KIAA1217: variants seen among roughly 807,000 people sequenced by gnomAD.
KIAA1217 encodes KIAA1217.
KIAA1217 carries 88 observed loss-of-function variants against 163.9 expected under a neutral mutation model. The observed-to-expected ratio is 0.54, with a 90% CI of 0.45 to 0.64. The LOEUF is 0.64. KIAA1217 is among the 30% of genes least tolerant of loss of function. The probability of loss-of-function intolerance (pLI) is 0.00; values close to 1 mark genes in which losing one functional copy is unlikely to be tolerated. For synonymous variants in KIAA1217, 903 were observed against 923.1 expected (o/e 0.98, Z 0.39); for missense variants, 2,372 against 2,475.0 (o/e 0.96, Z 0.88).
intron 2 of KIAA1217, among the ~76,000 whole-genome samples, chr10:24,191,708 G>A (rs920602966): frequency 4.6e-5 from 7 of 152,346 alleles, no homozygotes; most frequent in African/African-American, 1.4e-4. Flanking sequence ...CTTCATGGTT[G>A]AGGCATGTGT....
chr10:23,992,304 C>T lies in KIAA1217; in HGVS notation c.-320-14921C>T, dbSNP rs181857265. On this transcript the variant is annotated intron_variant, in intron 1 of 18. Coordinates refer to the KIAA1217 transcript ENST00000376462. Reference sequence around the variant, plus strand: ...AAAGTTAATACAGCTCACAGAGCAGCCAAGAAATAGAAATAGAAATGGTGA... The same window carrying T: ...AAAGTTAATACAGCTCACAGAGCAGTCAAGAAATAGAAATAGAAATGGTGA... 2.0e-3 allele frequency among the ~76,000 whole-genome samples: 303 copies of T among 152,256 alleles called. 3 individuals carry two copies. Among genetic ancestry groups the T allele is most frequent in the Admixed American group, 0.016 (244 of 15,294 alleles).
intron 2 of KIAA1217, among the ~76,000 whole-genome samples, chr10:24,141,733 A>G (rs995662633): frequency 3.3e-5 from 5 of 152,154 alleles, no homozygotes; most frequent in African/African-American, 1.2e-4. Context: ...TTAAATTCAC[A>G]TTGGAATCAC....
chr10:23,837,058 A>G (rs111938950), intron 1 of KIAA1217, among the ~76,000 whole-genome samples: 1,687 of 152,246 alleles, frequency 0.011, 9 homozygotes, highest in Non-Finnish European at 0.018. Context: ...TCCACACTCT[A>G]TGTTCATGTA....
intron 1 of KIAA1217, among the ~76,000 whole-genome samples, chr10:23,901,364 C>G (rs899587555): frequency 2.0e-5 from 3 of 152,140 alleles, no homozygotes; most frequent in African/African-American, 7.2e-5. Flanking sequence ...GTAATACAGT[C>G]TTATACTTTA....
At position 24,171,272 on chromosome 10, in the gene KIAA1217, C is replaced by G. The variant is rs1269427240; in HGVS notation, c.-170-48354C>G. ...GAATTTATAACACCAAAATACATGGCTCTGATAAGAAAAGCAACAGGAAAC... is the reference window on the plus strand; with the variant it reads ...GAATTTATAACACCAAAATACATGGGTCTGATAAGAAAAGCAACAGGAAAC... On this transcript the variant is annotated intron_variant, in intron 2 of 18. Transcript: ENST00000376462. Among the ~76,000 whole-genome samples, 13 of 152,236 alleles carry G rather than the reference C, an allele frequency of 8.5e-5. No individual in the cohort carries two copies. The East Asian group carries it at 1.7e-3, about 20-fold the overall frequency.
chr10:23,790,228 C>T (rs939836502), intron 1 of KIAA1217, among the ~76,000 whole-genome samples: 1 of 90,588 alleles, frequency 1.1e-5, no homozygotes, highest in Non-Finnish European at 2.1e-5. Context: ...TATGCATATG[C>T]ACATATGCAT....
intron 1 of KIAA1217, among the ~76,000 whole-genome samples, chr10:23,770,393 T>A (rs1260921959): frequency 6.6e-6 from 1 of 152,194 alleles, no homozygotes; most frequent in Non-Finnish European, 1.5e-5. Flanking sequence ...CATTACATGT[T>A]GTCTATGATT....
Position 24,283,086 on chromosome 10 carries a change from T to G in KIAA1217, c.354+63177T>G, listed in dbSNP as rs374351690. On this transcript the variant is annotated intron_variant, in intron 2 of 20. Transcript: ENST00000376454. ...AACCTCAGGTGATCCACCCACCTCG[T>G]CCTCCCAAAGTGCTGGGATTACAGG... Among the ~76,000 whole-genome samples the G allele has an allele frequency of 1.3e-3, 201 of 151,838 alleles. 1 individual carries two copies. The highest frequency in any genetic ancestry group is 4.4e-3 in the African/African-American group (181 of 41,428).
At chr10:23,805,996 CAAAAAAAA>C (rs71397917) in intron 1 of KIAA1217, among the ~76,000 whole-genome samples, 4 of 30,512 alleles carry the variant, frequency 1.3e-4, no homozygotes, top group Non-Finnish European at 1.7e-4. Context: ...AACTCCATCT[CAAAAAAAA>C]AAAAAAAAAA....
intron 5 of KIAA1217, among the ~76,000 whole-genome samples, chr10:24,463,542 G>A (rs957931028): frequency 6.6e-6 from 1 of 152,140 alleles, no homozygotes; most frequent in African/African-American, 2.4e-5. Context: ...TTTTACCAAT[G>A]CAAACAAGAT....
chr10:24,226,846 G>A (rs1310177465), intron 2 of KIAA1217, among the ~76,000 whole-genome samples: 1 of 152,056 alleles, frequency 6.6e-6, no homozygotes. Context: ...TGCACAGTTT[G>A]GAAATGCTAT....
At chr10:24,374,503 TTC>T (rs1368856423) in intron 2 of KIAA1217, among the ~76,000 whole-genome samples, 1 of 152,194 alleles carries the variant, frequency 6.6e-6, no homozygotes, top group Admixed American at 6.5e-5. Context: ...CTACCACCAT[TTC>T]TCTGAGTCTT....
rs34076735 is a variant in KIAA1217 at position 24,010,478 on chromosome 10, C to CTT, written c.-171+3115_-171+3116dup. Among the ~76,000 whole-genome samples, 1,393 of 145,342 alleles carry CTT rather than the reference C, an allele frequency of 9.6e-3. 6 individuals are homozygous for CTT. The highest frequency in any genetic ancestry group is 0.018 in the Middle Eastern group (5 of 280). ...AATAAAAGCAAATAACTGATCGATCCTTTTTTTTTTTTACCAATTTCATAG... is the reference window on the plus strand; with the variant it reads ...AATAAAAGCAAATAACTGATCGATCCTTTTTTTTTTTTTTACCAATTTCATAG... On this transcript the variant is annotated intron_variant, in intron 2 of 18. Coordinates refer to the KIAA1217 transcript ENST00000376462.
intron 1 of KIAA1217, among the ~76,000 whole-genome samples, chr10:23,930,981 C>T (rs1184718524): frequency 6.6e-6 from 1 of 152,152 alleles, no homozygotes; most frequent in African/African-American, 2.4e-5. Flanking sequence ...TTAAAGAATA[C>T]ATGCATATCT....
At chr10:24,127,241 T>G (rs1327879494) in intron 2 of KIAA1217, among the ~76,000 whole-genome samples, 1 of 152,206 alleles carries the variant, frequency 6.6e-6, no homozygotes, top group African/African-American at 2.4e-5. Flanking sequence ...CAGTATAACC[T>G]TTGGGGATTT....
At chr10:24,090,773 C>G (rs2061910632) in intron 2 of KIAA1217, among the ~76,000 whole-genome samples, 1 of 151,726 alleles carries the variant, frequency 6.6e-6, no homozygotes, top group Admixed American at 6.6e-5. Context: ...ATCAATGGTG[C>G]TAAGTATTCT....
intron 17 of KIAA1217, among the ~76,000 whole-genome samples, chr10:24,537,857 G>A (rs1181968366): frequency 6.6e-6 from 1 of 152,106 alleles, no homozygotes; most frequent in African/African-American, 2.4e-5. Flanking sequence ...GTATAAGTAA[G>A]CACTCTAGGG....
intron 2 of KIAA1217, among the ~76,000 whole-genome samples, chr10:24,186,343 A>G (rs1383325814): frequency 6.6e-6 from 1 of 152,136 alleles, no homozygotes; most frequent in African/African-American, 2.4e-5. Flanking sequence ...CTTGAGTCAT[A>G]CTTTACACCT....
At chr10:24,037,668 T>G (rs1848454319) in intron 2 of KIAA1217, among the ~76,000 whole-genome samples, 1 of 152,194 alleles carries the variant, frequency 6.6e-6, no homozygotes, top group Non-Finnish European at 1.5e-5. Context: ...AGCAGCATTC[T>G]TGGAATAAGC....
Sources: gnomAD v4.1 joint callset for allele counts (sites outside exome capture counted in the v4.1 genomes callset) on GRCh38, gnomAD v4.1.1 for gene constraint, MANE v1.5 for transcripts, NCBI Gene and HGNC (gene_info 2026-07-23, HGNC 2026-07-21) for gene names.